Variants in PGR observed in about 807,000 individuals in gnomAD.
PGR encodes the protein progesterone receptor.
A neutral mutation model predicts 76.1 loss-of-function variants in PGR; 25 were observed. The observed-to-expected ratio is 0.33, with a 90% confidence interval of 0.24 to 0.46. The LOEUF (loss-of-function observed/expected upper bound fraction) is 0.46, where lower values mean the gene tolerates loss of function less well. PGR is among the 20% of genes least tolerant of loss of function. The probability of loss-of-function intolerance (pLI) is 1.00; values close to 1 mark genes in which losing one functional copy is unlikely to be tolerated. For missense variants in PGR, 1,172 were observed against 1,225.3 expected, an observed-to-expected ratio of 0.96 and a Z score of 0.65; for synonymous variants, 579 against 535.0, an observed-to-expected ratio of 1.08 and a Z score of -1.14.
chr11:101,127,541 C>G lies in PGR; in HGVS notation c.1530G>C (p.Ala510=). ...CGTTGAGGCCGAGTGCAGGGTAGAG[C>G]GCGGGGGCCGCCCCGGCGGCGGCGG... ...ASAAAAGAAP[A]LYPALGLNGL... Residue 510 remains alanine, a synonymous_variant, in exon 1 of 8, where the codon GCG becomes GCC. Coordinates refer to ENST00000325455, the MANE Select transcript of PGR (RefSeq NM_000926.4). 3.5e-6 allele frequency: 5 copies of G among 1,423,664 alleles called. No individual in the cohort carries two copies. The highest frequency in any genetic ancestry group is 4.6e-6 in the Non-Finnish European group (5 of 1,087,518). 88.2% of individuals were successfully genotyped at this position (1,423,664 alleles called of 1,614,324 possible).
intron 2 of PGR, among the ~76,000 whole-genome samples, chr11:101,122,058 G>C (rs947579285): frequency 1.3e-5 from 2 of 150,752 alleles, no homozygotes; most frequent in Non-Finnish European, 2.9e-5. Context: ...GGGAGGCTAA[G>C]GCAGGAGAAT....
chr11:101,107,786 C>G (rs1862210925), intron 2 of PGR, among the ~76,000 whole-genome samples: 1 of 145,884 alleles, frequency 6.9e-6, no homozygotes, highest in South Asian at 2.2e-4. Flanking sequence ...TCTTCAAATT[C>G]TGTTTAGGCA....
chr11:101,118,632 C>G (rs1300927084), intron 2 of PGR, among the ~76,000 whole-genome samples: 2 of 151,968 alleles, frequency 1.3e-5, no homozygotes, highest in Admixed American at 1.3e-4. Flanking sequence ...TAAAATTGAG[C>G]ATTAAAATGT....
intron 4 of PGR, among the ~76,000 whole-genome samples, chr11:101,057,240 G>T (rs148341114): frequency 3.9e-5 from 6 of 152,282 alleles, no homozygotes; most frequent in Non-Finnish European, 7.4e-5. Flanking sequence ...CAAGTAATGC[G>T]AATCCTGAAA....
chr11:101,036,870 T>A lies in PGR; in HGVS notation c.*2246A>T, dbSNP rs1407484383. 5.2e-6 allele frequency: 1 copy of A among 193,658 alleles called. No homozygotes were observed. The highest frequency in any genetic ancestry group is 8.1e-5 in the East Asian group (1 of 12,272). 12.0% of individuals were successfully genotyped at this position (193,658 alleles called of 1,614,324 possible). On this transcript the variant is annotated 3_prime_UTR_variant, in exon 8 of 8. Transcript: ENST00000325455. ...TTATATCATCAAAATATTGGTTTAA[T>A]TCAAAGTAACAAGAATCAGATAATA...
intron 2 of PGR, among the ~76,000 whole-genome samples, chr11:101,102,448 A>T (rs1862023311): frequency 2.0e-5 from 3 of 152,190 alleles, no homozygotes; most frequent in Admixed American, 6.5e-5. Flanking sequence ...TGTTTTCTGG[A>T]ATCCAGCATA....
chr11:101,128,974 C>A lies in PGR; in HGVS notation c.97G>T (p.Ala33Ser), dbSNP rs1197704457. Reference protein sequence around the residue: ...VGSPLLCRPAAGPFPGSQTSD... With the variant: ...VGSPLLCRPASGPFPGSQTSD... The stretch of plus-strand genomic sequence containing the variant: ...GTCTGGCTCCCCGGGAACGGACCTG[C>A]GGCTGGGCGACACAGCAGTGGGGAT... Residue 33 changes from alanine to serine, a missense_variant, in exon 1 of 8, where the codon GCA (alanine) becomes TCA (serine). Coordinates refer to ENST00000325455, the MANE Select transcript of PGR (RefSeq NM_000926.4). 6.2e-7 allele frequency: 1 copy of A among 1,600,528 alleles called. No homozygotes were observed. The highest frequency in any genetic ancestry group is 8.5e-7 in the Non-Finnish European group (1 of 1,172,810).
intron 2 of PGR, among the ~76,000 whole-genome samples, chr11:101,099,056 T>C (rs373219406): frequency 4.6e-5 from 7 of 152,196 alleles, no homozygotes; most frequent in African/African-American, 1.7e-4. Context: ...GAGAGGCAAA[T>C]GAAAAGCTTA....
intron 2 of PGR, among the ~76,000 whole-genome samples, chr11:101,098,982 G>T (rs1861918888): frequency 6.6e-6 from 1 of 152,174 alleles, no homozygotes; most frequent in Non-Finnish European, 1.5e-5. Flanking sequence ...CTATCACATG[G>T]TATAGGAACC....
At chr11:101,105,217 A>G (rs1862113035) in intron 2 of PGR, among the ~76,000 whole-genome samples, 1 of 152,278 alleles carries the variant, frequency 6.6e-6, no homozygotes, top group African/African-American at 2.4e-5. Context: ...AAGATATGGT[A>G]CCACTGGAGA....
At chr11:101,074,589 G>C (rs941983005) in intron 3 of PGR, among the ~76,000 whole-genome samples, 2 of 152,144 alleles carry the variant, frequency 1.3e-5, no homozygotes, top group Non-Finnish European at 2.9e-5. Context: ...CATCATCTCA[G>C]CCCAAAATCT....
At chr11:101,081,190 G>A (rs779902221) in intron 3 of PGR, among the ~76,000 whole-genome samples, 20 of 152,134 alleles carry the variant, frequency 1.3e-4, no homozygotes, top group Non-Finnish European at 2.8e-4. Context: ...AGCACTTTGG[G>A]AGGCTGAGGC....
intron 4 of PGR, among the ~76,000 whole-genome samples, chr11:101,056,582 G>A (rs547565): frequency 0.086 from 12,789 of 149,060 alleles, 594 homozygotes; most frequent in East Asian, 0.19. Flanking sequence ...CTAAGCTGCC[G>A]TGAGCTACAA....
chr11:101,074,760 C>G (rs567197053), intron 3 of PGR, among the ~76,000 whole-genome samples: 6 of 152,224 alleles, frequency 3.9e-5, no homozygotes, highest in African/African-American at 1.4e-4. Context: ...GCTAGGAATA[C>G]AAGTCACGAG....
At chr11:101,112,316 G>T (rs1862368863) in intron 2 of PGR, among the ~76,000 whole-genome samples, 1 of 152,144 alleles carries the variant, frequency 6.6e-6, no homozygotes, top group Non-Finnish European at 1.5e-5. Context: ...GCATGTTGTA[G>T]GCTGACAGGA....
At chr11:101,119,376 C>A (rs1377042343) in intron 2 of PGR, among the ~76,000 whole-genome samples, 1 of 152,138 alleles carries the variant, frequency 6.6e-6, no homozygotes, top group Non-Finnish European at 1.5e-5. Flanking sequence ...AAAAGATTCC[C>A]TGGAGTTACT....
rs1311284786 is a variant in PGR, at chr11:101,030,201, C to T, written c.*8915G>A. On this transcript the variant is annotated 3_prime_UTR_variant, in exon 8 of 8. Coordinates refer to ENST00000325455, the MANE Select transcript of PGR (RefSeq NM_000926.4). ...AGGGCGTGAGTCATGAGAAAGATTC[C>T]CTGCATCTCTTGCCAAGTATTAACA... 9.0e-6 allele frequency: 2 copies of T among 222,024 alleles called. No homozygotes were observed. The highest frequency in any genetic ancestry group is 1.3e-4 in the East Asian group (2 of 15,044). The allele number at this position is 222,024 out of a possible 1,614,324, so 13.8% of individuals were successfully genotyped here.
chr11:101,118,533 G>C (rs1293131234), intron 2 of PGR, among the ~76,000 whole-genome samples: 1 of 152,098 alleles, frequency 6.6e-6, no homozygotes, highest in Non-Finnish European at 1.5e-5. Context: ...TAAGAAAAAA[G>C]TTATGATTCC....
intron 4 of PGR, among the ~76,000 whole-genome samples, chr11:101,055,414 CAAAAAAAAAAAAAA>C (rs61303675): frequency 1.5e-5 from 1 of 65,040 alleles, no homozygotes; most frequent in African/African-American, 6.5e-5. Context: ...GACTCCATCT[CAAAAAAAAAAAAAA>C]AAAAAAAAAA....
Sources: allele counts gnomAD v4.1 joint callset (sites outside exome capture counted in the v4.1 genomes callset), GRCh38; gene constraint gnomAD v4.1.1; transcripts MANE v1.5; gene names NCBI Gene and HGNC (gene_info 2026-07-23, HGNC 2026-07-21).